Variants in AP1S3 observed in about 807,000 individuals in gnomAD.
AP1S3 encodes the protein adaptor related protein complex 1 subunit sigma 3.
A neutral mutation model predicts 20.9 loss-of-function variants in AP1S3; 10 were observed. The observed-to-expected ratio is 0.48, with a 90% CI of 0.29 to 0.81. The LOEUF is 0.81. AP1S3 is among the 30% of genes least tolerant of loss of function. The pLI is 0.08. For missense variants in AP1S3, 154 were observed against 183.8 expected, an observed-to-expected ratio of 0.84 and a Z score of 0.94; for synonymous variants, 41 against 61.5, an observed-to-expected ratio of 0.67 and a Z score of 1.56.
intron 3 of AP1S3, among the ~76,000 whole-genome samples, chr2:223,772,031 C>A (rs146745900): frequency 1.6e-3 from 248 of 152,244 alleles, no homozygotes; most frequent in African/African-American, 5.8e-3. Context: ...CGCTTGAACC[C>A]GGGAGGCGGA....
intron 1 of AP1S3, among the ~76,000 whole-genome samples, chr2:223,778,179 G>A (rs963923126): frequency 1.6e-5 from 2 of 126,188 alleles, no homozygotes; most frequent in African/African-American, 7.3e-5. Flanking sequence ...AGGCTGGAGT[G>A]CAGTGGCGCG....
intron 1 of AP1S3, among the ~76,000 whole-genome samples, chr2:223,834,828 A>C (rs1417695894): frequency 6.6e-6 from 1 of 152,142 alleles, no homozygotes; most frequent in East Asian, 1.9e-4. Context: ...TTTTATGACC[A>C]ATAACAATAT....
chr2:223,826,299 A>T (rs1193633258), intron 1 of AP1S3, among the ~76,000 whole-genome samples: 2 of 126,400 alleles, frequency 1.6e-5, no homozygotes, highest in Non-Finnish European at 3.4e-5. Flanking sequence ...TGAATAAAAC[A>T]TTAATAACTT....
rs183884787 is a variant in AP1S3, at chr2:223,795,190, G to A, written c.4-17321C>T. 8.8e-3 allele frequency among the ~76,000 whole-genome samples: 1,343 copies of A among 152,116 alleles called. 16 individuals are homozygous for A. Among genetic ancestry groups the A allele is most frequent in the South Asian group, 0.015 (71 of 4,820 alleles). ...CTTGAACCCAGGAGGTAGAGGTTGCGATGAGCCGAGATTGAGGCACTGCAC... is the reference window on the plus strand; with the variant it reads ...CTTGAACCCAGGAGGTAGAGGTTGCAATGAGCCGAGATTGAGGCACTGCAC... On this transcript the variant is annotated intron_variant, in intron 1 of 4. Transcript: ENST00000396654.
intron 1 of AP1S3, among the ~76,000 whole-genome samples, chr2:223,798,887 CGTG>C (rs1691406885): frequency 6.6e-6 from 1 of 152,146 alleles, no homozygotes; most frequent in Non-Finnish European, 1.5e-5. Context: ...GCCTGGCCAA[CGTG>C]GTGCAGCCCC....
intron 1 of AP1S3, among the ~76,000 whole-genome samples, chr2:223,790,061 A>C (rs1691178856): frequency 6.6e-6 from 1 of 152,162 alleles, no homozygotes; most frequent in Admixed American, 6.6e-5. Context: ...ACCAGGACAA[A>C]GAGAGCAGCC....
chr2:223,835,751 T>G (rs1692380789), intron 1 of AP1S3, among the ~76,000 whole-genome samples: 1 of 152,188 alleles, frequency 6.6e-6, no homozygotes, highest in African/African-American at 2.4e-5. Context: ...ATCACACATA[T>G]GACACCAGCA....
intron 4 of AP1S3, 54 bp downstream of exon 4, chr2:223,765,159 C>CCACCAT (rs1553580232): frequency 4.5e-6 from 7 of 1,560,382 alleles, no homozygotes; most frequent in East Asian, 2.3e-5. Context: ...ATTATTAACA[C>CCACCAT]CATCATCATC....
chr2:223,769,816 T>C (rs1690568622), intron 3 of AP1S3, among the ~76,000 whole-genome samples: 1 of 134,558 alleles, frequency 7.4e-6, no homozygotes, highest in Admixed American at 8.9e-5. Flanking sequence ...CGATCTCGGC[T>C]CACTGAAGGC....
chr2:223,776,698 T>C (rs1054120408), intron 2 of AP1S3, among the ~76,000 whole-genome samples: 1 of 152,166 alleles, frequency 6.6e-6, no homozygotes, highest in Non-Finnish European at 1.5e-5. Flanking sequence ...CAAAATTATG[T>C]TACCTCTCAG....
chr2:223,823,133 G>A (rs1268889732), intron 1 of AP1S3, among the ~76,000 whole-genome samples: 1 of 152,218 alleles, frequency 6.6e-6, no homozygotes, highest in African/African-American at 2.4e-5. Flanking sequence ...TTGGTACACT[G>A]TTGGTGGGAA....
At chr2:223,829,539 C>T (rs1692210066) in intron 1 of AP1S3, among the ~76,000 whole-genome samples, 1 of 152,058 alleles carries the variant, frequency 6.6e-6, no homozygotes, top group Non-Finnish European at 1.5e-5. Context: ...ACCAGTCTGA[C>T]CAACATGGAG....
intron 1 of AP1S3, among the ~76,000 whole-genome samples, chr2:223,790,708 T>G (rs1007610): frequency 0.096 from 14,648 of 152,154 alleles, 2,364 homozygotes; most frequent in African/African-American, 0.33. Flanking sequence ...TATAAAGTGA[T>G]TACCACAATC....
chr2:223,803,308 T>G (rs1462493055), intron 1 of AP1S3, among the ~76,000 whole-genome samples: 1 of 152,226 alleles, frequency 6.6e-6, no homozygotes, highest in Non-Finnish European at 1.5e-5. Flanking sequence ...TTAACTTATA[T>G]GCAAGATGAG....
At chr2:223,798,747 C>G (rs573322696) in intron 1 of AP1S3, among the ~76,000 whole-genome samples, 2 of 152,280 alleles carry the variant, frequency 1.3e-5, no homozygotes, top group African/African-American at 4.8e-5. Context: ...GTCCTAACCC[C>G]CCAGTACTTC....
chr2:223,802,253 A>G (rs1215937876), intron 1 of AP1S3, among the ~76,000 whole-genome samples: 1 of 152,092 alleles, frequency 6.6e-6, no homozygotes, highest in African/African-American at 2.4e-5. Context: ...AGGAAGGTAC[A>G]GTCACTATCT....
intron 1 of AP1S3, among the ~76,000 whole-genome samples, chr2:223,780,343 AGAGAGAGAGAGAGAGTGTGTGT>A (rs1559280832): frequency 8.7e-5 from 10 of 115,014 alleles, no homozygotes; most frequent in South Asian, 3.1e-4. Flanking sequence ...AGAGAGAGAG[AGAGAGAGAGAGAGAGTGTGTGT>A]GTGTGTGTGT....
chr2:223,768,699 A>G (rs1170743629), intron 3 of AP1S3, among the ~76,000 whole-genome samples: 1 of 152,048 alleles, frequency 6.6e-6, no homozygotes, highest in Non-Finnish European at 1.5e-5. Context: ...TACTAAAAAT[A>G]CAAAAATTAG....
At position 223,758,163 on chromosome 2, in the gene AP1S3, A is replaced by G; in HGVS notation, c.*552T>C. On this transcript the variant is annotated 3_prime_UTR_variant, in exon 5 of 5. Transcript: ENST00000396654. ...AATTCTAAAAAAAATAAATGAATTCAGCACATTAAAATCAGACATTTTGTA... is the reference window on the plus strand; with the variant it reads ...AATTCTAAAAAAAATAAATGAATTCGGCACATTAAAATCAGACATTTTGTA... The G allele has an allele frequency of 1.0e-6, 1 of 980,492 alleles. No individual in the cohort carries two copies. The highest frequency in any genetic ancestry group is 1.2e-6 in the Non-Finnish European group (1 of 825,022). The allele number at this position is 980,492 out of a possible 1,614,324, so 60.7% of individuals were successfully genotyped here. A position where few individuals can be genotyped will look rare whatever the true frequency, so the allele number is the denominator to read the frequency against.
Sources: allele counts gnomAD v4.1 joint callset (sites outside exome capture counted in the v4.1 genomes callset), GRCh38; gene constraint gnomAD v4.1.1; transcripts MANE v1.5; gene names NCBI Gene and HGNC (gene_info 2026-07-23, HGNC 2026-07-21).